The following RHBDF1 variants were observed in gnomAD, a reference collection of about 807,000 sequenced individuals.
The protein encoded by RHBDF1 is rhomboid 5 homolog 1, also known as inactive rhomboid protein 1.
A neutral mutation model predicts 98.6 loss-of-function variants in RHBDF1; 80 were observed. The ratio of observed to expected loss-of-function variants is 0.81; its 90% CI spans 0.68 to 0.98. The LOEUF (loss-of-function observed/expected upper bound fraction) is 0.98. RHBDF1 is among the 50% of genes least tolerant of loss of function. The pLI, the probability that RHBDF1 is intolerant of heterozygous loss-of-function variation, is 0.00. For synonymous variants in RHBDF1, 512 were observed against 486.8 expected (o/e 1.05, Z -0.68); for missense variants, 1,116 against 1,198.3 (o/e 0.93, Z 1.01).
Position 61,180 on chromosome 16 carries a change from G to T in RHBDF1, c.1497C>A (p.Ser499=). Residue 499 remains serine (S), a synonymous_variant, in exon 11 of 18, where the codon TCC becomes TCA. Transcript: ENST00000262316. ...IRSAREREKH[S]ACCVRNDRSG... is the part of the protein sequence containing the mutation. ...ACCTGTCGTTGCGCACGCAGCAGGC[G>T]GAGTGCTTCTCGCGCTCGCGCGCCG... The T allele has an allele frequency of 6.5e-7, 1 of 1,541,892 alleles. No individual in the cohort carries two copies. Among genetic ancestry groups the T allele is most frequent in the Non-Finnish European group, 8.7e-7 (1 of 1,145,472 alleles).
At chr16:68,342 G>A (rs1897882084) in intron 1 of RHBDF1, among the ~76,000 whole-genome samples, 1 of 152,250 alleles carries the variant, frequency 6.6e-6, no homozygotes, top group South Asian at 2.1e-4. Flanking sequence ...GAGTAGGCGT[G>A]GGGAGGGGCA....
chr16:62,917 C>T lies in RHBDF1; in HGVS notation c.673-20G>A. On this transcript the variant is annotated intron_variant, in intron 5 of 17. Transcript: ENST00000262316. ...GCGGCCCTGGGGACGGGGAAGTGAG[C>T]ATGAGACCCGGCTGCTGGGTCGGCC... is the stretch of plus-strand genomic sequence containing the variant. 6.2e-7 allele frequency: 1 copy of T among 1,613,340 alleles called. No homozygotes were observed. Among genetic ancestry groups the T allele is most frequent in the Non-Finnish European group, 8.5e-7 (1 of 1,179,848 alleles).
chr16:61,346 T>A, intron 10 of RHBDF1, 39 bp downstream of exon 10: 1 of 1,544,800 alleles, frequency 6.5e-7, no homozygotes, highest in Non-Finnish European at 8.7e-7. Flanking sequence ...CACCTCCAGG[T>A]CCCGCCCCCG....
Position 59,081 on chromosome 16 carries a change from G to A in RHBDF1, c.2041C>T (p.Arg681Trp), listed in dbSNP as rs760039099. The part of the protein sequence containing the change: ...VSICFQMTVL[R>W]DLEKLAGWHR... ...CAGCCTGCCAGCTTCTCCAGGTCCCGCAGGACAGTCATCTGGAAGCAGATG... is the reference window on the plus strand; with the variant it reads ...CAGCCTGCCAGCTTCTCCAGGTCCCACAGGACAGTCATCTGGAAGCAGATG... The change falls in exon 17 of 18, where the codon CGG becomes TGG. Residue 681 changes from arginine (R) to tryptophan (W), a missense_variant. By Grantham distance (101) the Arg-to-Trp change is moderately radical (BLOSUM62 -3). Coordinates refer to ENST00000262316, the MANE Select transcript of RHBDF1 (RefSeq NM_022450.5). 1.8e-5 allele frequency: 29 copies of A among 1,613,442 alleles called. No individual in the cohort carries two copies. The highest frequency in any genetic ancestry group is 4.0e-5 in the African/African-American group (3 of 74,912).
Position 58,472 on chromosome 16 carries a change from C to A in RHBDF1, c.2436G>T (p.Leu812=). ...CQIIIFQVVF[L]GLLAGLVVLF... Reference sequence around the variant, plus strand: ...GGACCACCAGGCCAGCCAGGAGGCCCAGGAAGACCACCTGAAAGATGATGA... The same window carrying A: ...GGACCACCAGGCCAGCCAGGAGGCCAAGGAAGACCACCTGAAAGATGATGA... The change falls in exon 18 of 18, where the codon CTG becomes CTT. Residue 812 remains leucine (L), a synonymous_variant. Coordinates refer to ENST00000262316, the MANE Select transcript of RHBDF1 (RefSeq NM_022450.5). The A allele has an allele frequency of 6.2e-7, 1 of 1,614,072 alleles. No homozygotes were observed. The highest frequency in any genetic ancestry group is 2.2e-5 in the East Asian group (1 of 44,888).
In RHBDF1 at chr16:59,559, C is replaced by T. The variant is rs79201561; in HGVS notation, c.1818-65G>A. On this transcript the variant is annotated intron_variant, in intron 14 of 17. Transcript: ENST00000262316. ...AGAGGGGGATTGCTGGCATCCAGGGCGAGTTTCAGCCGCACCTACCCACCT... is the reference window on the plus strand; with the variant it reads ...AGAGGGGGATTGCTGGCATCCAGGGTGAGTTTCAGCCGCACCTACCCACCT... 7.3e-3 allele frequency: 11,240 copies of T among 1,544,848 alleles called. 55 individuals carry two copies. The highest frequency in any genetic ancestry group is 9.5e-3 in the Middle Eastern group (56 of 5,888).
Position 64,960 on chromosome 16 carries a change from C to T in RHBDF1, c.56G>A (p.Trp19Ter). 2 of 1,570,704 alleles carry T rather than the reference C, an allele frequency of 1.3e-6. No homozygotes were observed. Among genetic ancestry groups the T allele is most frequent in the Non-Finnish European group, 1.7e-6 (2 of 1,154,766 alleles). Residue 19 changes from tryptophan to a stop codon, truncating the protein, a stop_gained, in exon 2 of 18, where the codon TGG becomes TAG. Coordinates refer to ENST00000262316, the MANE Select transcript of RHBDF1 (RefSeq NM_022450.5). LOFTEE classifies it high-confidence loss of function. ...CGCAGAGGGAATGTCCAGCTTTAGC[C>T]AGGGTGGCTTCTTGCGCTGCAGGCT... Reference protein sequence around the residue: ...TSSLQRKKPPWLKLDIPSAVP... With the variant: ...TSSLQRKKPP
chr16:59,592 C>A, intron 14 of RHBDF1, 98 bp from the exon 15 acceptor site: 1 of 1,477,748 alleles, frequency 6.8e-7, no homozygotes, highest in Non-Finnish European at 9.2e-7. Flanking sequence ...CCTTTGTTGG[C>A]CCCAAGGAAG....
intron 1 of RHBDF1, among the ~76,000 whole-genome samples, chr16:69,874 C>T (rs1897925115): frequency 1.3e-5 from 2 of 152,156 alleles, no homozygotes; most frequent in African/African-American, 4.8e-5. Flanking sequence ...CCTCATCACC[C>T]TAGACAAGGA....
intron 1 of RHBDF1, among the ~76,000 whole-genome samples, chr16:67,920 A>G (rs1043419658): frequency 1.3e-5 from 2 of 152,060 alleles, no homozygotes; most frequent in African/African-American, 4.8e-5. Context: ...GGGTGAGAAG[A>G]GCCGAGAGCT....
chr16:63,005 T>C lies in RHBDF1; in HGVS notation c.640A>G (p.Met214Val). The C allele has an allele frequency of 6.2e-7, 1 of 1,612,286 alleles. No homozygotes were observed. The highest frequency in any genetic ancestry group is 8.5e-7 in the Non-Finnish European group (1 of 1,179,506). Reference sequence around the variant, plus strand: ...AGCGCTGCGGCCGCCCGGAAGCTCATCTTGGCCACCGACTCTCGCTTGCGC... The same window carrying C: ...AGCGCTGCGGCCGCCCGGAAGCTCACCTTGGCCACCGACTCTCGCTTGCGC... ...RRRKRESVAK[M>V]SFRAAAALMK... Residue 214 changes from methionine to valine, a missense_variant, in exon 5 of 18, where the codon ATG becomes GTG. By Grantham distance (21) the Met-to-Val change is conservative. Transcript: ENST00000262316.
Position 62,641 on chromosome 16 carries a change from G to A in RHBDF1, c.850C>T (p.Pro284Ser), listed in dbSNP as rs1397561754. Residue 284 changes from proline to serine, a missense_variant, in exon 7 of 18, where the codon CCA becomes TCA. Coordinates refer to ENST00000262316, the MANE Select transcript of RHBDF1 (RefSeq NM_022450.5). ...CAGTCCTTTAGCGCTGCCTCCGATG[G>A]GGACTCGAAAACTTCATCCGGGTAT... ...STYPDEVFESPSEAALKDWEK... is the reference protein window; with the variant it reads ...STYPDEVFESSSEAALKDWEK... 6.2e-7 allele frequency: 1 copy of A among 1,614,082 alleles called. No homozygotes were observed.
At chr16:75,757 A>ACGGC (rs1898075048), upstream of RHBDF1, among the ~76,000 whole-genome samples, 2 of 152,118 alleles carry the variant, frequency 1.3e-5, no homozygotes, top group African/African-American at 4.8e-5. Flanking sequence ...TCAGACACAG[A>ACGGC]TGGCCGCAGA....
intron 8 of RHBDF1, 43 bp downstream of exon 8, chr16:61,755 C>G (rs770816376): frequency 2.5e-6 from 4 of 1,612,120 alleles, no homozygotes; most frequent in Non-Finnish European, 3.4e-6. Context: ...CACCCTCCCC[C>G]GGGAGCCTCC....
chr16:58,236 G>T lies in RHBDF1; in HGVS notation c.*104C>A, dbSNP rs140153671. 8.8e-7 allele frequency: 1 copy of T among 1,132,614 alleles called. No homozygotes were observed. Among genetic ancestry groups the T allele is most frequent in the African/African-American group, 1.6e-5 (1 of 64,218 alleles). The allele number at this position is 1,132,614 out of a possible 1,614,324, so 70.2% of individuals were successfully genotyped here. On this transcript the variant is annotated 3_prime_UTR_variant, in exon 18 of 18. Coordinates refer to ENST00000262316, the MANE Select transcript of RHBDF1 (RefSeq NM_022450.5). ...AGGTCTGTGTTCAGGAAACAGGCCAGTCCCCACATGGAGCAGGTGACTCCT... is the reference window on the plus strand; with the variant it reads ...AGGTCTGTGTTCAGGAAACAGGCCATTCCCCACATGGAGCAGGTGACTCCT...
intron 13 of RHBDF1, 157 bp downstream of exon 13, chr16:60,059 G>C (rs143315143): frequency 1.3e-6 from 2 of 1,494,696 alleles, no homozygotes; most frequent in Non-Finnish European, 1.8e-6. Context: ...GGCAGGCGCT[G>C]GTTGATGGAC....
chr16:64,263 A>G (rs2141856735), intron 3 of RHBDF1: 1 of 1,332,126 alleles, frequency 7.5e-7, no homozygotes, highest in South Asian at 1.2e-5. Flanking sequence ...CCACACTGGC[A>G]GCTCCCAAGA....
chr16:65,827 C>A (rs564265109), intron 1 of RHBDF1, among the ~76,000 whole-genome samples: 14 of 152,342 alleles, frequency 9.2e-5, no homozygotes, highest in Admixed American at 8.5e-4. Flanking sequence ...ACCACCCGGG[C>A]GCAGACACCG....
intron 10 of RHBDF1, 49 bp downstream of exon 10, chr16:61,336 C>T: frequency 6.5e-7 from 1 of 1,543,888 alleles, no homozygotes; most frequent in Non-Finnish European, 8.7e-7. Flanking sequence ...CCCCGCCGGG[C>T]ACCTCCAGGT....
Sources: allele counts gnomAD v4.1 joint callset (sites outside exome capture counted in the v4.1 genomes callset), GRCh38; gene constraint gnomAD v4.1.1; transcripts MANE v1.5; gene names NCBI Gene and HGNC (gene_info 2026-07-23, HGNC 2026-07-21).